Variants in EPHA5 observed in about 807,000 individuals in gnomAD.
EPHA5 encodes the protein ephrin type-A receptor 5.
A neutral mutation model predicts 105.0 loss-of-function variants in EPHA5; 60 were observed. The observed-to-expected ratio is 0.57, with a 90% confidence interval of 0.46 to 0.71. The LOEUF is 0.71. Among genes scored for constraint, EPHA5 ranks in the 30% least tolerant of loss-of-function variants. EPHA5 has a pLI of 0.00. For synonymous variants in EPHA5, 513 were observed against 449.1 expected (o/e 1.14, Z -1.80); for missense variants, 1,218 against 1,274.7 (o/e 0.96, Z 0.68).
chr4:65,365,649 C>CTATATATATATATA lies in EPHA5; in HGVS notation c.1987+269_1987+282dup, dbSNP rs57048004. Among the ~76,000 whole-genome samples the CTATATATATATATA allele has an allele frequency of 7.7e-4, 50 of 64,854 alleles. 1 individual carries two copies. Among genetic ancestry groups the CTATATATATATATA allele is most frequent in the Non-Finnish European group, 1.2e-3 (34 of 28,456 alleles). 42.5% of individuals were successfully genotyped at this position (64,854 alleles called of 152,430 possible). Reference sequence around the variant, plus strand: ...AATACTTTTGGGTATTACAAATTCACTATATATATATATATATATATATAT... The same window carrying CTATATATATATATA: ...AATACTTTTGGGTATTACAAATTCACTATATATATATATATATATATATATATATATATATATAT... On this transcript the variant is annotated intron_variant, in intron 10 of 16. Coordinates refer to ENST00000613740, the MANE Select transcript of EPHA5 (RefSeq NM_001281766.3).
chr4:65,471,128 G>A (rs1024596682), intron 5 of EPHA5, among the ~76,000 whole-genome samples: 18 of 152,102 alleles, frequency 1.2e-4, no homozygotes, highest in Non-Finnish European at 1.0e-4. Flanking sequence ...CTGTGATTCT[G>A]GGGGCTGCCC....
intron 11 of EPHA5, among the ~76,000 whole-genome samples, chr4:65,361,514 G>A (rs1408969448): frequency 1.3e-5 from 2 of 151,508 alleles, no homozygotes; most frequent in South Asian, 4.1e-4. Flanking sequence ...GACTAAAGTG[G>A]AAAGTGACAA....
intron 3 of EPHA5, among the ~76,000 whole-genome samples, chr4:65,567,815 T>C (rs929824479): frequency 4.6e-5 from 7 of 151,668 alleles, no homozygotes; most frequent in Admixed American, 1.3e-4. Flanking sequence ...TCTTTTATAA[T>C]TGATCTTCTC....
intron 2 of EPHA5, among the ~76,000 whole-genome samples, chr4:65,608,451 CCGAGATTGCGCCA>C (rs1046584014): frequency 9.2e-5 from 14 of 151,770 alleles, no homozygotes; most frequent in African/African-American, 3.4e-4. Flanking sequence ...CTGCAGTGAG[CCGAGATTGCGCCA>C]CTGCACCCCA....
At position 65,380,700 on chromosome 4, in the gene EPHA5, G is replaced by T. The variant is rs566090884; in HGVS notation, c.1794-13276C>A. 1.1e-3 allele frequency among the ~76,000 whole-genome samples: 166 copies of T among 151,752 alleles called. 3 individuals are homozygous for T. Among genetic ancestry groups the T allele is most frequent in the Non-Finnish European group, 3.7e-4 (25 of 67,802 alleles). On this transcript the variant is annotated intron_variant, in intron 8 of 16. Transcript: ENST00000613740. ...TGTAACAAAGGAAGAAAACTAAAAG[G>T]CTGCATAATTTTCCTATTTCAAATT...
intron 3 of EPHA5, among the ~76,000 whole-genome samples, chr4:65,562,829 G>T (rs1739155649): frequency 6.6e-6 from 1 of 152,064 alleles, no homozygotes; most frequent in South Asian, 2.1e-4. Context: ...AGCCAGGTGT[G>T]GTGGTACATG....
At chr4:65,583,216 A>G (rs1188390320) in intron 3 of EPHA5, among the ~76,000 whole-genome samples, 1 of 151,668 alleles carries the variant, frequency 6.6e-6, no homozygotes, top group Admixed American at 6.6e-5. Context: ...TAATATAGAA[A>G]GAAAATTATA....
intron 3 of EPHA5, among the ~76,000 whole-genome samples, chr4:65,501,763 A>T (rs1732511188): frequency 6.6e-6 from 1 of 151,556 alleles, no homozygotes; most frequent in Admixed American, 6.6e-5. Flanking sequence ...TCCAAAATTC[A>T]TATGGAAACA....
chr4:65,352,016 T>C (rs1722864562), intron 12 of EPHA5, among the ~76,000 whole-genome samples: 1 of 152,034 alleles, frequency 6.6e-6, no homozygotes, highest in African/African-American at 2.4e-5. Flanking sequence ...AGGGAGTTTC[T>C]GTAACAGCAG....
At chr4:65,454,111 T>C (rs1317397596) in intron 5 of EPHA5, among the ~76,000 whole-genome samples, 1 of 151,970 alleles carries the variant, frequency 6.6e-6, no homozygotes, top group Non-Finnish European at 1.5e-5. Flanking sequence ...AAAAACCCCG[T>C]CTCTACTAAA....
intron 11 of EPHA5, among the ~76,000 whole-genome samples, chr4:65,360,822 T>C (rs189922244): frequency 1.3e-5 from 2 of 151,782 alleles, no homozygotes; most frequent in Non-Finnish European, 3.0e-5. Context: ...TATTTTAATT[T>C]CTTTCTTTTT....
At position 65,404,464 on chromosome 4, in the gene EPHA5, C is replaced by T. The variant is rs2148991396; in HGVS notation, c.1703G>A (p.Ser568Asn). The stretch of plus-strand genomic sequence containing the variant: ...AATTACAGGAATCTGGCTTTGATCG[C>T]TGGATGCTGCAACTGCTGATAGGAG... ...ETTPVSVAAS[S>N]DQSQIPVIAV... Residue 568 changes from serine (S) to asparagine (N), a missense_variant, in exon 8 of 17, where the codon AGC becomes AAC. Transcript: ENST00000613740. The T allele has an allele frequency of 6.2e-7, 1 of 1,613,674 alleles. No individual in the cohort carries two copies. The highest frequency in any genetic ancestry group is 8.5e-7 in the Non-Finnish European group (1 of 1,179,738).
At chr4:65,598,150 T>C (rs1456836595) in intron 3 of EPHA5, among the ~76,000 whole-genome samples, 1 of 152,208 alleles carries the variant, frequency 6.6e-6, no homozygotes, top group Non-Finnish European at 1.5e-5. Context: ...TCATGTAATA[T>C]GGCCATATTA....
intron 2 of EPHA5, among the ~76,000 whole-genome samples, chr4:65,604,737 A>G (rs571196994): frequency 0.011 from 1,663 of 152,244 alleles, 19 homozygotes; most frequent in Admixed American, 0.017. Flanking sequence ...GTAAAAAAAA[A>G]AAAACCAAGA....
intron 7 of EPHA5, among the ~76,000 whole-genome samples, chr4:65,404,889 A>C (rs918951825): frequency 6.6e-6 from 1 of 152,182 alleles, no homozygotes; most frequent in African/African-American, 2.4e-5. Flanking sequence ...TCTCTAGAAA[A>C]GAATCTGATG....
At chr4:65,605,816 G>A (rs1011522692) in intron 2 of EPHA5, among the ~76,000 whole-genome samples, 2 of 152,032 alleles carry the variant, frequency 1.3e-5, no homozygotes, top group Non-Finnish European at 2.9e-5. Context: ...TATATAAGCT[G>A]AGATCCAATC....
chr4:65,363,781 C>G (rs1359079818), intron 11 of EPHA5, among the ~76,000 whole-genome samples: 1 of 151,480 alleles, frequency 6.6e-6, no homozygotes, highest in Non-Finnish European at 1.5e-5. Context: ...TCGACACTTG[C>G]TATCACAGAC....
chr4:65,589,153 C>CA (rs1466511502), intron 3 of EPHA5, among the ~76,000 whole-genome samples: 4 of 151,998 alleles, frequency 2.6e-5, no homozygotes, highest in Non-Finnish European at 4.4e-5. Context: ...GTACTGAGAG[C>CA]AATAACCACT....
intron 2 of EPHA5, among the ~76,000 whole-genome samples, chr4:65,603,435 A>G (rs1366479208): frequency 6.6e-6 from 1 of 152,044 alleles, no homozygotes; most frequent in Non-Finnish European, 1.5e-5. Flanking sequence ...TGACTTTCAA[A>G]AAATCCAGAA....
Sources: allele counts gnomAD v4.1 joint callset (sites outside exome capture counted in the v4.1 genomes callset), GRCh38; gene constraint gnomAD v4.1.1; transcripts MANE v1.5; gene names NCBI Gene and HGNC (gene_info 2026-07-23, HGNC 2026-07-21).